The following IPMK variants were observed in gnomAD, a reference collection of about 807,000 sequenced individuals.
IPMK encodes inositol 1,3,4,6-tetrakisphosphate 5-kinase.
IPMK carries 17 observed loss-of-function variants against 45.8 expected under a neutral mutation model. That is an observed-to-expected ratio of 0.37 (90% CI 0.25 to 0.56). IPMK has a LOEUF of 0.56. IPMK is among the 20% of genes least tolerant of loss of function. IPMK has a pLI of 0.79. For synonymous variants in IPMK, 180 were observed against 184.3 expected (o/e 0.98, Z 0.19); for missense variants, 399 against 498.0 (o/e 0.80, Z 1.89).
Position 58,196,183 on chromosome 10 carries a change from G to C in IPMK, c.1144C>G (p.Arg382Gly). ...GCQEIAEVEV[R>G]MIDFAHVFPS... ...AACACATGAGCAAAATCTATCATTC[G>C]CACTTCTACTTCAGCAATCTCTTGG... The change falls in exon 6 of 6, where the codon CGA becomes GGA. Residue 382 changes from arginine (R) to glycine (G), a missense_variant. By Grantham distance (125) the Arg-to-Gly change is moderately radical (BLOSUM62 -2). This residue lies in a region of IPMK where 288 missense variants were observed against 398.0 expected (regional missense o/e 0.72). Coordinates refer to ENST00000373935, the MANE Select transcript of IPMK (RefSeq NM_152230.5). 6.2e-7 allele frequency: 1 copy of C among 1,614,024 alleles called. No homozygotes were observed. The highest frequency in any genetic ancestry group is 8.5e-7 in the Non-Finnish European group (1 of 1,179,960).
At chr10:58,250,000 C>A (rs1038917244) in intron 1 of IPMK, among the ~76,000 whole-genome samples, 1 of 152,098 alleles carries the variant, frequency 6.6e-6, no homozygotes, top group African/African-American at 2.4e-5. Flanking sequence ...GGCTGGAAAC[C>A]AGTGAATTTA....
intron 1 of IPMK, among the ~76,000 whole-genome samples, chr10:58,266,042 C>G (rs921019286): frequency 1.3e-4 from 20 of 152,170 alleles, no homozygotes; most frequent in African/African-American, 4.8e-4. Context: ...CCCATGAGTA[C>G]TCTCAAATTC....
chr10:58,227,645 T>C (rs1427759856), intron 2 of IPMK, among the ~76,000 whole-genome samples: 1 of 152,216 alleles, frequency 6.6e-6, no homozygotes, highest in African/African-American at 2.4e-5. Context: ...ATTTGTTTTA[T>C]ATCTACATGG....
At chr10:58,262,313 A>G (rs1240050012) in intron 1 of IPMK, among the ~76,000 whole-genome samples, 5 of 152,216 alleles carry the variant, frequency 3.3e-5, no homozygotes, top group African/African-American at 1.2e-4. Flanking sequence ...ATGGGTGTAG[A>G]AATTCTGAAA....
At chr10:58,251,728 T>A (rs938322497) in intron 1 of IPMK, among the ~76,000 whole-genome samples, 10 of 152,230 alleles carry the variant, frequency 6.6e-5, no homozygotes, top group African/African-American at 2.4e-4. Context: ...TTCACCATTA[T>A]GTAACAAATG....
chr10:58,252,907 C>A (rs866369487), intron 1 of IPMK, among the ~76,000 whole-genome samples: 1 of 151,336 alleles, frequency 6.6e-6, no homozygotes, highest in South Asian at 2.1e-4. Context: ...CCACTGTGCC[C>A]GGCCACATCC....
rs544951234 is a variant in IPMK, at chr10:58,266,707, C to T, written c.190+715G>A. Among the ~76,000 whole-genome samples, 34 of 152,268 alleles carry T rather than the reference C, an allele frequency of 2.2e-4. No individual in the cohort carries two copies. In the South Asian group the frequency reaches 7.0e-3, roughly 32 times the overall value. On this transcript the variant is annotated intron_variant, in intron 1 of 5. Coordinates refer to ENST00000373935, the MANE Select transcript of IPMK (RefSeq NM_152230.5). The stretch of plus-strand genomic sequence containing the variant: ...CTGAGATAGGCTTTAAACTTGTGAA[C>T]TCAGAAAATGTATTACAGTGGCCAT...
rs1837886875 is a variant in IPMK at position 58,196,001 on chromosome 10, C to A, written c.*75G>T. 7.3e-7 allele frequency: 1 copy of A among 1,373,782 alleles called. No homozygotes were observed. The highest frequency in any genetic ancestry group is 2.2e-5 in the Admixed American group (1 of 45,346). The allele number at this position is 1,373,782 out of a possible 1,614,324, so 85.1% of individuals were successfully genotyped here. ...CTCATAATACAAATTTTTTACATAG[C>A]ATTAAAGGTGCAGATATTGACTGCC... On this transcript the variant is annotated 3_prime_UTR_variant, in exon 6 of 6. Transcript: ENST00000373935.
rs765474218 is a variant in IPMK, at chr10:58,267,525, A to G, written c.87T>C (p.Pro29=). 1.2e-6 allele frequency: 2 copies of G among 1,612,932 alleles called. No homozygotes were observed. Among genetic ancestry groups the G allele is most frequent in the African/African-American group, 2.7e-5 (2 of 74,914 alleles). The change falls in exon 1 of 6, where the codon CCT becomes CCC. Residue 29 remains proline (P), a synonymous_variant. Coordinates refer to ENST00000373935, the MANE Select transcript of IPMK (RefSeq NM_152230.5). ...CGCCCGCCGGCTGCGGGGTGCCCTC[A>G]GGGGTGGACTCGATCGCCGGTGAGG... is the stretch of plus-strand genomic sequence containing the variant. ...MRTSPAIEST[P]EGTPQPAGGR... is the part of the protein sequence containing the mutation.
chr10:58,210,996 AAG>A (rs936909086), intron 4 of IPMK, among the ~76,000 whole-genome samples: 6 of 152,166 alleles, frequency 3.9e-5, no homozygotes, highest in Non-Finnish European at 8.8e-5. Context: ...CATCTGACAG[AAG>A]AGTTTTTGAA....
chr10:58,235,457 C>A (rs1288115477), intron 2 of IPMK, among the ~76,000 whole-genome samples: 2 of 152,006 alleles, frequency 1.3e-5, no homozygotes, highest in African/African-American at 2.4e-5. Flanking sequence ...AAAATGTGGC[C>A]CATATACACC....
intron 3 of IPMK, among the ~76,000 whole-genome samples, chr10:58,221,717 C>G (rs555713887): frequency 2.6e-5 from 4 of 151,884 alleles, no homozygotes; most frequent in African/African-American, 9.7e-5. Flanking sequence ...TGTCACCACA[C>G]CCAGCTAATT....
In IPMK at chr10:58,232,620, C is replaced by G. The variant is rs545296035; in HGVS notation, c.276+5109G>C. ...AAATGAAAGCAGAAATAAAGATGTT[C>G]TTTGAAACCAATGAGAACAAAGACA... On this transcript the variant is annotated intron_variant, in intron 2 of 5. Transcript: ENST00000373935. Among the ~76,000 whole-genome samples the G allele has an allele frequency of 8.6e-4, 131 of 152,312 alleles. 2 individuals are homozygous for G. The South Asian group carries it at 9.3e-3, about 11-fold the overall frequency.
At chr10:58,209,465 A>C (rs929854762) in intron 4 of IPMK, among the ~76,000 whole-genome samples, 2 of 152,122 alleles carry the variant, frequency 1.3e-5, no homozygotes, top group Non-Finnish European at 2.9e-5. Flanking sequence ...TGCTCTCCCT[A>C]TTCCCCTGGC....
intron 2 of IPMK, among the ~76,000 whole-genome samples, chr10:58,234,919 T>C (rs1008824870): frequency 8.5e-5 from 13 of 152,182 alleles, no homozygotes; most frequent in Non-Finnish European, 1.2e-4. Context: ...TCTACCCATC[T>C]GACAAAGGGC....
intron 2 of IPMK, among the ~76,000 whole-genome samples, chr10:58,234,001 A>G (rs1430914616): frequency 6.6e-6 from 1 of 152,244 alleles, no homozygotes; most frequent in Non-Finnish European, 1.5e-5. Context: ...AAAAATCACA[A>G]GCATTCCTAT....
Position 58,194,963 on chromosome 10 carries a change from CATAAT to C in IPMK, c.*1108_*1112del, listed in dbSNP as rs1837870303. On this transcript the variant is annotated 3_prime_UTR_variant, in exon 6 of 6. Coordinates refer to ENST00000373935, the MANE Select transcript of IPMK (RefSeq NM_152230.5). ...ATTAAGTTACAATTTCACTGGTCAA[CATAAT>C]ATAAAACTGTTTTGAGGAAGAGTGA... 1 of 151,796 alleles carries C rather than the reference CATAAT, an allele frequency of 6.6e-6. No individual in the cohort carries two copies. The highest frequency in any genetic ancestry group is 2.4e-5 in the African/African-American group (1 of 41,348). The allele number at this position is 151,796 out of a possible 1,614,324, so 9.4% of individuals were successfully genotyped here.
chr10:58,244,803 C>T (rs1040819442), intron 1 of IPMK, among the ~76,000 whole-genome samples: 4 of 152,076 alleles, frequency 2.6e-5, no homozygotes, highest in African/African-American at 7.2e-5. Context: ...GGATTAAGGG[C>T]GGTGCACGAT....
At position 58,196,263 on chromosome 10, in the gene IPMK, T is replaced by C; in HGVS notation, c.1064A>G (p.Asn355Ser). The change falls in exon 6 of 6, where the codon AAT becomes AGT. Residue 355 changes from asparagine to serine, a missense_variant. Transcript: ENST00000373935. ...GWKSMSQEHL[N>S]GNVLSQLEKV... ...TTCCAGTTGGGAAAGTACATTTCCA[T>C]TTAAATGTTCCTGTGACATGCTTTT... is the stretch of plus-strand genomic sequence containing the variant. 6.2e-7 allele frequency: 1 copy of C among 1,614,228 alleles called. No individual in the cohort carries two copies. The highest frequency in any genetic ancestry group is 1.1e-5 in the South Asian group (1 of 91,090).
Sources: gnomAD v4.1 joint callset for allele counts (sites outside exome capture counted in the v4.1 genomes callset) on GRCh38, gnomAD v4.1.1 for gene constraint, gnomAD v4.1.1 regional missense constraint, MANE v1.5 for transcripts, NCBI Gene and HGNC (gene_info 2026-07-23, HGNC 2026-07-21) for gene names.